Variants in MUC5AC observed in about 807,000 individuals in gnomAD.
MUC5AC encodes the protein mucin-5AC.
MUC5AC carries 158 observed loss-of-function variants against 169.7 expected under a neutral mutation model. The observed-to-expected ratio is 0.93, with a 90% CI of 0.82 to 1.06. The LOEUF (loss-of-function observed/expected upper bound fraction) is 1.06, where lower values mean the gene tolerates loss of function less well. Ranked by LOEUF, MUC5AC falls within the 50% of genes least tolerant of loss-of-function variation. The pLI, the probability that MUC5AC is intolerant of heterozygous loss-of-function variation, is 0.00. For synonymous variants in MUC5AC, 1,975 were observed against 1,237.0 expected, an observed-to-expected ratio of 1.60 and a Z score of -12.52; for missense variants, 4,359 against 3,089.9, an observed-to-expected ratio of 1.41 and a Z score of -9.74.
intron 24 of MUC5AC, 48 bp from the exon 25 acceptor site, chr11:1,178,396 C>T (rs1564911903): frequency 1.1e-5 from 5 of 452,868 alleles, no homozygotes; most frequent in African/African-American, 2.0e-5. Flanking sequence ...TGGCTCTGGC[C>T]TTCTCGGTTT....
rs192416026 is a variant in MUC5AC at position 1,194,570 on chromosome 11, G to A, written c.15090G>A (p.Ala5030=). Residue 5030 remains alanine, a synonymous_variant, in exon 35 of 49, where the codon GCG becomes GCA. Coordinates refer to ENST00000621226, the MANE Select transcript of MUC5AC (RefSeq NM_001304359.2). ...CGCGCATCGGCGTCAAGATGTACGC[G>A]ACCATCCCGGAGCTGGGAGTCCAGG... ...VVSRIGVKMY[A]TIPELGVQVM... 19 of 764,396 alleles carry A rather than the reference G, an allele frequency of 2.5e-5. No individual in the cohort carries two copies. Among genetic ancestry groups the A allele is most frequent in the South Asian group, 9.4e-5 (7 of 74,494 alleles). The allele number at this position is 764,396 out of a possible 1,614,324, so 47.4% of individuals were successfully genotyped here.
At position 1,161,938 on chromosome 11, in the gene MUC5AC, C is replaced by A. The variant is rs1250455780; in HGVS notation, c.243C>A (p.Cys81Ter). Residue 81 changes from cysteine (C) to a stop codon, truncating the protein, a stop_gained, in exon 4 of 49, where the codon TGC becomes TGA. Transcript: ENST00000621226. LOFTEE classifies it high-confidence loss of function. ...ACCCGGCGCACAACGGGCGGGTGTG[C>A]AGCACCTGGGGCAGCTTCCACTACA... ...ASNPAHNGRV[C>*]STWGSFHYKT... 1 of 1,611,868 alleles carries A rather than the reference C, an allele frequency of 6.2e-7. No individual in the cohort carries two copies. Among genetic ancestry groups the A allele is most frequent in the Non-Finnish European group, 8.5e-7 (1 of 1,179,580 alleles).
chr11:1,200,214 C>T (rs935721724), intron 48 of MUC5AC, among the ~76,000 whole-genome samples: 5 of 152,256 alleles, frequency 3.3e-5, no homozygotes, highest in East Asian at 1.9e-4. Flanking sequence ...TTGCCGCAGC[C>T]GCCCCGAGTC....
rs1303575984 is a variant in MUC5AC, at chr11:1,190,286, T to C, written c.12141T>C (p.Arg4047=). ...AGATGTGCCTCAACTACGAGGTGCG[T>C]GTGCTCTGCTGCGAGACCCCCAAAG... is the stretch of plus-strand genomic sequence containing the variant. The part of the protein sequence containing the change: ...PFKMCLNYEV[R]VLCCETPKGC... The change falls in exon 31 of 49, where the codon CGT becomes CGC. Residue 4047 remains arginine, a synonymous_variant. Transcript: ENST00000621226. 1.4e-5 allele frequency: 10 copies of C among 705,526 alleles called. No homozygotes were observed. The highest frequency in any genetic ancestry group is 3.5e-5 in the African/African-American group (2 of 56,924). The allele number at this position is 705,526 out of a possible 1,614,324, so 43.7% of individuals were successfully genotyped here.
intron 24 of MUC5AC, 101 bp downstream of exon 24, chr11:1,177,734 G>C: frequency 5.7e-5 from 20 of 352,824 alleles, no homozygotes; most frequent in East Asian, 1.3e-4. Context: ...GACACAGAGA[G>C]AAACACAGAG....
chr11:1,199,648 G>T, intron 46 of MUC5AC, 47 bp from the exon 47 acceptor site: 1 of 700,848 alleles, frequency 1.4e-6, no homozygotes, highest in Non-Finnish European at 2.6e-6. Flanking sequence ...ACTTCTGTGG[G>T]GGCCGCCGAG....
intron 33 of MUC5AC, 119 bp from the exon 34 acceptor site, chr11:1,193,991 C>T (rs1200594414): frequency 6.0e-6 from 4 of 668,426 alleles, no homozygotes; most frequent in Admixed American, 4.1e-5. Flanking sequence ...GGGTCTTGTG[C>T]GCCCTGTGAG....
chr11:1,169,357 T>TCACTCACC (rs1434121836), intron 15 of MUC5AC, among the ~76,000 whole-genome samples: 2 of 148,910 alleles, frequency 1.3e-5, no homozygotes, highest in Non-Finnish European at 3.0e-5. Context: ...ACCCATTCAC[T>TCACTCACC]CACTCACCCA....
chr11:1,170,878 C>T (rs1179194285), intron 15 of MUC5AC, among the ~76,000 whole-genome samples: 2 of 148,262 alleles, frequency 1.3e-5, no homozygotes, highest in South Asian at 4.4e-4. Context: ...CCTATTCGCC[C>T]ACTCACTCAC....
In MUC5AC at chr11:1,191,546, T is replaced by G. The variant is rs1590148283; in HGVS notation, c.13401T>G (p.Ser4467=). ...TISLPTTSTT[S]APITSMTSGP... ...CTCTCCCTACAACCAGCACAACCTCTGCTCCTATAACCAGCATGACCTCTG... is the reference window on the plus strand; with the variant it reads ...CTCTCCCTACAACCAGCACAACCTCGGCTCCTATAACCAGCATGACCTCTG... Residue 4467 remains serine (S), a synonymous_variant, in exon 31 of 49, where the codon TCT becomes TCG. Transcript: ENST00000621226. 2 of 647,074 alleles carry G rather than the reference T, an allele frequency of 3.1e-6. No homozygotes were observed. The highest frequency in any genetic ancestry group is 5.7e-6 in the Non-Finnish European group (2 of 353,608). 40.1% of individuals were successfully genotyped at this position (647,074 alleles called of 1,614,324 possible). A position where few individuals can be genotyped will look rare whatever the true frequency, so the allele number is the denominator to read the frequency against.
In MUC5AC at chr11:1,197,953, C is replaced by A; in HGVS notation, c.16084C>A (p.Arg5362Ser). 1.4e-6 allele frequency: 1 copy of A among 736,368 alleles called. No homozygotes were observed. Among genetic ancestry groups the A allele is most frequent in the Non-Finnish European group, 2.5e-6 (1 of 405,120 alleles). 45.6% of individuals were successfully genotyped at this position (736,368 alleles called of 1,614,324 possible). The change falls in exon 42 of 49, where the codon CGC becomes AGC. Residue 5362 changes from arginine (R) to serine (S), a missense_variant. Transcript: ENST00000621226. ...PAPVGCPEGA[R>S]AIPTYQEGAC... ...GCCCGTGGGCTGTCCTGAGGGCGCC[C>A]GCGCGATCCCGACCTACCAGGAGGG... is the stretch of plus-strand genomic sequence containing the variant.
Position 1,168,628 on chromosome 11 carries a change from C to G in MUC5AC, c.1568-14C>G. The stretch of plus-strand genomic sequence containing the variant: ...CACAGCCCCCAGCAAAACCCTTGTC[C>G]TTTGTGTCCCCAGCCAACGTCACCA... On this transcript the variant is annotated splice_polypyrimidine_tract_variant and intron_variant, in intron 13 of 48. Transcript: ENST00000621226. 3 of 1,610,398 alleles carry G rather than the reference C, an allele frequency of 1.9e-6. No homozygotes were observed. The highest frequency in any genetic ancestry group is 2.5e-6 in the Non-Finnish European group (3 of 1,177,820).
rs754336528 is a variant in MUC5AC at position 1,161,593 on chromosome 11, G to T, written c.211+7G>T. On this transcript the variant is annotated splice_region_variant and intron_variant, in intron 3 of 48. Coordinates refer to ENST00000621226, the MANE Select transcript of MUC5AC (RefSeq NM_001304359.2). ...ACCATCCCTGTGGTACGAGGTGAGTGGAGCCCGGAGGCCTGGGTGGGGAAG... is the reference window on the plus strand; with the variant it reads ...ACCATCCCTGTGGTACGAGGTGAGTTGAGCCCGGAGGCCTGGGTGGGGAAG... The T allele has an allele frequency of 1.2e-6, 2 of 1,607,998 alleles. No homozygotes were observed. Among genetic ancestry groups the T allele is most frequent in the Admixed American group, 3.4e-5 (2 of 59,592 alleles).
At position 1,168,714 on chromosome 11, in the gene MUC5AC, T is replaced by C; in HGVS notation, c.1640T>C (p.Leu547Pro). Residue 547 changes from leucine (L) to proline (P), a missense_variant, in exon 14 of 49, where the codon CTG becomes CCG. Coordinates refer to ENST00000621226, the MANE Select transcript of MUC5AC (RefSeq NM_001304359.2). ...AQTSLGLQLN[L>P]QLVPTMQLFM... is the part of the protein sequence containing the mutation. ...ACCAGCCTGGGCCTGCAGCTGAACC[T>C]GCAGCTGGTGCCCACCATGCAGCTG... 2 of 1,610,510 alleles carry C rather than the reference T, an allele frequency of 1.2e-6. No individual in the cohort carries two copies. The highest frequency in any genetic ancestry group is 1.7e-6 in the Non-Finnish European group (2 of 1,178,038).
rs1860120487 is a variant in MUC5AC, at chr11:1,160,812, C to T, written c.151+123C>T. 3.1e-6 allele frequency: 3 copies of T among 959,950 alleles called. No individual in the cohort carries two copies. In the South Asian group the frequency reaches 4.7e-5, roughly 15 times the overall value. The allele number at this position is 959,950 out of a possible 1,614,324, so 59.5% of individuals were successfully genotyped here. On this transcript the variant is annotated intron_variant, in intron 2 of 48. Coordinates refer to ENST00000621226, the MANE Select transcript of MUC5AC (RefSeq NM_001304359.2). ...CAGCTGGCCACTGCTGAGGACCAAACCTGGGGGGACAGGAGGACACCCCCA... is the reference window on the plus strand; with the variant it reads ...CAGCTGGCCACTGCTGAGGACCAAATCTGGGGGGACAGGAGGACACCCCCA...
At position 1,162,887 on chromosome 11, in the gene MUC5AC, C is replaced by T. The variant is rs28494728; in HGVS notation, c.589-68C>T. The T allele has an allele frequency of 9.7e-4, 1,440 of 1,480,932 alleles. 12 individuals are homozygous for T. The African/African-American group carries it at 0.017, about 17-fold the overall frequency. The allele number at this position is 1,480,932 out of a possible 1,614,324, so 91.7% of individuals were successfully genotyped here. ...GGCCTCGGCCCCTCCTCGGAAATCTCAGGCTCGAGCCTCATCTGTCCATCT... is the reference window on the plus strand; with the variant it reads ...GGCCTCGGCCCCTCCTCGGAAATCTTAGGCTCGAGCCTCATCTGTCCATCT... On this transcript the variant is annotated intron_variant, in intron 5 of 48. Transcript: ENST00000621226.
At chr11:1,162,442 C>G in intron 4 of MUC5AC, 90 bp from the exon 5 acceptor site, 26 of 1,219,358 alleles carry the variant, frequency 2.1e-5, no homozygotes, top group Non-Finnish European at 3.1e-5. Flanking sequence ...GTCACGATGA[C>G]CGTGTCACAT....
chr11:1,191,222 C>G lies in MUC5AC; in HGVS notation c.13077C>G (p.Thr4359=). The G allele has an allele frequency of 2.8e-6, 2 of 710,706 alleles. No individual in the cohort carries two copies. The highest frequency in any genetic ancestry group is 5.1e-6 in the Non-Finnish European group (2 of 392,778). 44.0% of individuals were successfully genotyped at this position (710,706 alleles called of 1,614,324 possible). Residue 4359 remains threonine, a synonymous_variant, in exon 31 of 49, where the codon ACC becomes ACG. Coordinates refer to ENST00000621226, the MANE Select transcript of MUC5AC (RefSeq NM_001304359.2). ...PTTSTTSAPT[T]STTSASTAST... ...CCAGCACAACCTCTGCTCCTACAAC[C>G]AGCACAACCTCTGCCTCTACAGCCA...
intron 9 of MUC5AC, among the ~76,000 whole-genome samples, chr11:1,165,027 C>G: frequency 7.1e-6 from 1 of 140,974 alleles, no homozygotes; most frequent in South Asian, 2.3e-4. Context: ...CTGTCCTGGG[C>G]CCCCTGAGGC....
Sources: gnomAD v4.1 joint callset for allele counts (sites outside exome capture counted in the v4.1 genomes callset) on GRCh38, gnomAD v4.1.1 for gene constraint, MANE v1.5 for transcripts, NCBI Gene and HGNC (gene_info 2026-07-23, HGNC 2026-07-21) for gene names.